The following PPP1R1C variants were observed in gnomAD, a reference collection of about 807,000 sequenced individuals.
The protein encoded by PPP1R1C is protein phosphatase 1 regulatory inhibitor subunit 1C.
Under a neutral mutation model 17.4 loss-of-function variants are expected in PPP1R1C, and 15 were observed. The observed-to-expected ratio is 0.86, with a 90% CI of 0.58 to 1.33. PPP1R1C has a LOEUF of 1.33. PPP1R1C is among the 40% of genes most tolerant of loss of function. PPP1R1C has a pLI of 0.00. For missense variants in PPP1R1C, 143 were observed against 130.0 expected (o/e 1.10, Z -0.48); for synonymous variants, 35 against 43.1 (o/e 0.81, Z 0.73).
chr2:182,083,240 T>G (rs1171484688), intron 4 of PPP1R1C, among the ~76,000 whole-genome samples: 1 of 152,198 alleles, frequency 6.6e-6, no homozygotes, highest in Non-Finnish European at 1.5e-5. Flanking sequence ...GAAAGTGAAT[T>G]TTTTCATATA....
chr2:182,129,343 G>A (rs1689950756), exon 6 of PPP1R1C: 1 of 151,996 alleles, frequency 6.6e-6, no homozygotes, highest in South Asian at 2.1e-4. Context: ...TCTTACAACA[G>A]GGAGTCTTTC....
intron 4 of PPP1R1C, among the ~76,000 whole-genome samples, chr2:182,111,038 A>C (rs910852125): frequency 6.6e-6 from 1 of 152,044 alleles, no homozygotes; most frequent in African/African-American, 2.4e-5. Flanking sequence ...AAAGAGAGAG[A>C]GAGATGATAA....
At chr2:182,120,943 G>A (rs1056018840), downstream of PPP1R1C, among the ~76,000 whole-genome samples, 1 of 152,168 alleles carries the variant, frequency 6.6e-6, no homozygotes, top group Non-Finnish European at 1.5e-5. Flanking sequence ...AACACAGAGA[G>A]AATTCAATTA....
intron 4 of PPP1R1C, among the ~76,000 whole-genome samples, chr2:182,102,183 T>C (rs991071217): frequency 6.6e-6 from 1 of 152,238 alleles, no homozygotes; most frequent in African/African-American, 2.4e-5. Context: ...TGTGAAGTTT[T>C]ATGAGAGACA....
At chr2:182,113,777 C>G (rs539212696) in intron 4 of PPP1R1C, among the ~76,000 whole-genome samples, 1 of 152,164 alleles carries the variant, frequency 6.6e-6, no homozygotes, top group South Asian at 2.1e-4. Context: ...TTACTCTTTG[C>G]CATTCATGTC....
At chr2:182,063,020 G>A (rs992551372) in intron 3 of PPP1R1C, among the ~76,000 whole-genome samples, 2 of 152,026 alleles carry the variant, frequency 1.3e-5, no homozygotes, top group African/African-American at 4.8e-5. Context: ...TGAATAATAT[G>A]TATATCCATT....
At chr2:182,106,613 G>A (rs1211153367) in intron 4 of PPP1R1C, among the ~76,000 whole-genome samples, 3 of 152,150 alleles carry the variant, frequency 2.0e-5, no homozygotes, top group Non-Finnish European at 1.5e-5. Context: ...GCCCATATGT[G>A]ATCCAATTTT....
intron 4 of PPP1R1C, among the ~76,000 whole-genome samples, chr2:182,076,233 T>C (rs2125209020): frequency 9.6e-6 from 1 of 104,636 alleles, no homozygotes; most frequent in South Asian, 3.4e-4. Flanking sequence ...TTTTTTTTTT[T>C]TTTTTGAGAC....
chr2:181,975,405 T>C (rs987863579), intron 2 of PPP1R1C: 3 of 151,976 alleles, frequency 2.0e-5, no homozygotes, highest in African/African-American at 7.2e-5. Flanking sequence ...TTCCTCTGAG[T>C]AGAAAATGTG....
intron 4 of PPP1R1C, among the ~76,000 whole-genome samples, chr2:182,082,492 G>C (rs767316535): frequency 6.6e-6 from 1 of 152,112 alleles, no homozygotes; most frequent in Non-Finnish European, 1.5e-5. Context: ...CTGAGTTTCT[G>C]CTTGGCCTGG....
chr2:182,112,624 T>C (rs1406036176), intron 4 of PPP1R1C, among the ~76,000 whole-genome samples: 1 of 152,146 alleles, frequency 6.6e-6, no homozygotes, highest in Non-Finnish European at 1.5e-5. Context: ...ACTATGGGAA[T>C]TTAAGCAAGT....
chr2:182,112,439 T>G (rs546450562), intron 4 of PPP1R1C, among the ~76,000 whole-genome samples: 11 of 152,144 alleles, frequency 7.2e-5, no homozygotes, highest in African/African-American at 2.7e-4. Context: ...CTATCCATGA[T>G]GTAATATCTT....
intron 2 of PPP1R1C, among the ~76,000 whole-genome samples, chr2:182,021,321 C>CTTTT (rs71008205): frequency 5.6e-5 from 5 of 89,644 alleles, no homozygotes; most frequent in African/African-American, 1.6e-4. Context: ...CTCTCTCTCT[C>CTTTT]TTTTTTTTTT....
chr2:182,026,574 T>C (rs1330269473), intron 2 of PPP1R1C, among the ~76,000 whole-genome samples: 1 of 151,604 alleles, frequency 6.6e-6, no homozygotes, highest in Admixed American at 6.6e-5. Flanking sequence ...TCTATATCTC[T>C]GTTTTGGTAC....
chr2:182,014,264 A>C (rs1297643591), intron 2 of PPP1R1C, among the ~76,000 whole-genome samples: 1 of 152,192 alleles, frequency 6.6e-6, no homozygotes, highest in Non-Finnish European at 1.5e-5. Context: ...GAGGCACCCA[A>C]AGCCCAGTAA....
chr2:182,014,191 C>T (rs1375071376), intron 2 of PPP1R1C, among the ~76,000 whole-genome samples: 1 of 152,080 alleles, frequency 6.6e-6, no homozygotes, highest in African/African-American at 2.4e-5. Context: ...GAAGGCTTTC[C>T]AAGTATTGAA....
At position 182,082,477 on chromosome 2, in the gene PPP1R1C, G is replaced by A. The variant is rs141737072; in HGVS notation, c.241+18686G>A. Among the ~76,000 whole-genome samples, 1,191 of 152,176 alleles carry A rather than the reference G, an allele frequency of 7.8e-3. 21 individuals are homozygous for A. The highest frequency in any genetic ancestry group is 0.027 in the African/African-American group (1,117 of 41,502). ...TTACCCTGAAGGTCAAACGGACAAG[G>A]TTTTCTGAGTTTCTGCTTGGCCTGG... is the stretch of plus-strand genomic sequence containing the variant. On this transcript the variant is annotated intron_variant, in intron 4 of 4. Coordinates refer to ENST00000682840, the MANE Select transcript of PPP1R1C (RefSeq NM_001080545.3).
At chr2:182,094,582 G>A (rs1688876840) in intron 4 of PPP1R1C, among the ~76,000 whole-genome samples, 1 of 152,216 alleles carries the variant, frequency 6.6e-6, no homozygotes, top group Admixed American at 6.5e-5. Flanking sequence ...GTGGCAGTGA[G>A]CTACAGCTCT....
intron 4 of PPP1R1C, among the ~76,000 whole-genome samples, chr2:182,101,394 A>G (rs1432687936): frequency 1.3e-5 from 2 of 152,238 alleles, no homozygotes; most frequent in Admixed American, 6.5e-5. Context: ...CCAAATATCC[A>G]TAAGAGAATC....
Sources: allele counts gnomAD v4.1 joint callset (sites outside exome capture counted in the v4.1 genomes callset), GRCh38; gene constraint gnomAD v4.1.1; transcripts MANE v1.5; gene names NCBI Gene and HGNC (gene_info 2026-07-23, HGNC 2026-07-21).